Variants in SLC24A2 observed in about 807,000 individuals in gnomAD.
SLC24A2 encodes solute carrier family 24 member 2, also known as sodium/potassium/calcium exchanger 2.
In SLC24A2, 36 loss-of-function variants were observed where a neutral mutation model predicts 62.0. The ratio of observed to expected loss-of-function variants is 0.58; its 90% CI spans 0.44 to 0.77. SLC24A2 has a LOEUF of 0.77. Among genes scored for constraint, SLC24A2 ranks in the 30% least tolerant of loss-of-function variants. The pLI is 0.00. For synonymous variants in SLC24A2, 358 were observed against 294.0 expected, an observed-to-expected ratio of 1.22 and a Z score of -2.23; for missense variants, 846 against 817.9, an observed-to-expected ratio of 1.03 and a Z score of -0.42.
chr9:19,866,557 G>T, the SLC24A2 span, among the ~76,000 whole-genome samples: 1 of 150,964 alleles, frequency 6.6e-6, no homozygotes, highest in African/African-American at 2.4e-5. Context: ...CAACAACATG[G>T]ATGAAAGTGG....
the SLC24A2 span, chr9:19,928,546 C>T: frequency 6.6e-6 from 1 of 152,214 alleles, no homozygotes; most frequent in Admixed American, 6.5e-5. Flanking sequence ...CTTACCCTGT[C>T]TAGCCCAACG....
chr9:20,291,633 C>T, the SLC24A2 span, among the ~76,000 whole-genome samples: 1 of 152,210 alleles, frequency 6.6e-6, no homozygotes, highest in African/African-American at 2.4e-5. Flanking sequence ...TGTGCATTTG[C>T]TCATCGTGGC....
chr9:19,801,322 G>C, the SLC24A2 span, among the ~76,000 whole-genome samples: 2 of 152,212 alleles, frequency 1.3e-5, no homozygotes, highest in African/African-American at 4.8e-5. Flanking sequence ...CAAGCCTTTA[G>C]CCTGACTGGG....
At chr9:20,034,509 G>A in the SLC24A2 span, among the ~76,000 whole-genome samples, 28 of 132,182 alleles carry the variant, frequency 2.1e-4, no homozygotes, top group East Asian at 2.6e-4. Context: ...GCCCAGGCTG[G>A]AATGCAGTGG....
intron 4 of SLC24A2, among the ~76,000 whole-genome samples, chr9:19,617,366 G>A (rs897565836): frequency 1.4e-4 from 22 of 152,120 alleles, no homozygotes; most frequent in African/African-American, 4.6e-4. Context: ...TTTGGCTCAC[G>A]TCCCACCCTC....
At chr9:20,284,563 T>A in the SLC24A2 span, among the ~76,000 whole-genome samples, 3 of 152,168 alleles carry the variant, frequency 2.0e-5, no homozygotes, top group African/African-American at 7.2e-5. Context: ...AGCCAATGAC[T>A]AAAGATTCAA....
the SLC24A2 span, among the ~76,000 whole-genome samples, chr9:19,828,470 T>G: frequency 6.6e-6 from 1 of 152,088 alleles, no homozygotes; most frequent in Admixed American, 6.6e-5. Flanking sequence ...AAATTAAGAA[T>G]AAATAAAACA....
the SLC24A2 span, among the ~76,000 whole-genome samples, chr9:20,112,331 T>C: frequency 1.3e-5 from 2 of 152,232 alleles, no homozygotes; most frequent in South Asian, 4.1e-4. Flanking sequence ...TAAAACCCTG[T>C]GAATTTGCTG....
At chr9:20,025,979 G>A in the SLC24A2 span, among the ~76,000 whole-genome samples, 2 of 152,128 alleles carry the variant, frequency 1.3e-5, no homozygotes, top group Non-Finnish European at 2.9e-5. Context: ...ATGATAGTAA[G>A]GAATATTATG....
At chr9:19,710,544 G>A (rs186283704) in intron 2 of SLC24A2, among the ~76,000 whole-genome samples, 1 of 152,302 alleles carries the variant, frequency 6.6e-6, no homozygotes, top group East Asian at 1.9e-4. Context: ...GTTCAAATAT[G>A]AGAAAGAACA....
At chr9:20,087,815 A>G in the SLC24A2 span, among the ~76,000 whole-genome samples, 1 of 151,834 alleles carries the variant, frequency 6.6e-6, no homozygotes, top group Admixed American at 6.5e-5. Context: ...TTCATCAAGA[A>G]AACAACCCAA....
the SLC24A2 span, among the ~76,000 whole-genome samples, chr9:20,233,655 A>C: frequency 6.6e-6 from 1 of 152,184 alleles, no homozygotes; most frequent in Non-Finnish European, 1.5e-5. Flanking sequence ...AATACAGTAC[A>C]CTGACGGGTC....
the SLC24A2 span, among the ~76,000 whole-genome samples, chr9:19,900,370 C>T: frequency 5.9e-5 from 9 of 152,170 alleles, no homozygotes; most frequent in African/African-American, 2.2e-4. Context: ...TATCACAAAG[C>T]CTGACAGATA....
rs529064624 is a variant in SLC24A2 at position 19,744,023 on chromosome 9, C to T, written c.930+41914G>A. Among the ~76,000 whole-genome samples, 50 of 152,256 alleles carry T rather than the reference C, an allele frequency of 3.3e-4. 1 individual carries two copies. The South Asian group carries it at 9.5e-3, about 29-fold the overall frequency. ...AGTCCTGATCATCACCGCAACCACT[C>T]ACGCTGCACAACATTGTTAGAGGGG... On this transcript the variant is annotated intron_variant, in intron 2 of 10. Transcript: ENST00000341998.
chr9:19,918,500 ATCCTCCACTC>A, the SLC24A2 span, among the ~76,000 whole-genome samples: 1 of 151,880 alleles, frequency 6.6e-6, no homozygotes, highest in African/African-American at 2.4e-5. Context: ...CCTAGCTCAC[ATCCTCCACTC>A]TCCTTTCCAC....
the SLC24A2 span, among the ~76,000 whole-genome samples, chr9:20,019,141 G>T: frequency 9.7e-6 from 1 of 103,578 alleles, no homozygotes; most frequent in Non-Finnish European, 2.0e-5. Flanking sequence ...AAGAAAGAAA[G>T]AAAGAAAGAA....
intron 4 of SLC24A2, among the ~76,000 whole-genome samples, chr9:19,608,093 G>A (rs753074370): frequency 1.9e-4 from 29 of 152,220 alleles, no homozygotes; most frequent in Non-Finnish European, 4.0e-4. Flanking sequence ...CCAGTAGATT[G>A]GATTTTATTT....
At chr9:20,209,496 C>A in the SLC24A2 span, among the ~76,000 whole-genome samples, 2 of 152,222 alleles carry the variant, frequency 1.3e-5, no homozygotes, top group Admixed American at 1.3e-4. Flanking sequence ...AATTTGCCAA[C>A]TGCTTCCTTT....
the SLC24A2 span, among the ~76,000 whole-genome samples, chr9:20,276,157 G>C: frequency 6.6e-6 from 1 of 152,254 alleles, no homozygotes; most frequent in East Asian, 1.9e-4. Context: ...AACTCAAAAT[G>C]TCCAAAGTCT....
Sources: allele counts gnomAD v4.1 joint callset (sites outside exome capture counted in the v4.1 genomes callset), GRCh38; gene constraint gnomAD v4.1.1; transcripts MANE v1.5; gene names NCBI Gene and HGNC (gene_info 2026-07-23, HGNC 2026-07-21).